Variants in CMYA5 observed in about 807,000 individuals in gnomAD.
The protein encoded by CMYA5 is cardiomyopathy associated 5.
In CMYA5, 246 loss-of-function variants were observed where a neutral mutation model predicts 318.9. The ratio of observed to expected loss-of-function variants is 0.77; its 90% CI spans 0.70 to 0.86. The LOEUF (loss-of-function observed/expected upper bound fraction) is 0.86. Among genes scored for constraint, CMYA5 ranks in the 40% least tolerant of loss-of-function variants. CMYA5 has a pLI of 0.00. For synonymous variants in CMYA5, 1,641 were observed against 1,729.5 expected (o/e 0.95, Z 1.27); for missense variants, 4,589 against 4,678.2 (o/e 0.98, Z 0.56).
chr5:79,756,634 G>A (rs980581127), intron 6 of CMYA5, among the ~76,000 whole-genome samples: 2 of 152,040 alleles, frequency 1.3e-5, no homozygotes, highest in Non-Finnish European at 2.9e-5. Flanking sequence ...TCTGCTTCTC[G>A]TTTTTCACAA....
rs1561207658 is a variant in CMYA5 at position 79,732,006 on chromosome 5, C to T, written c.3241C>T (p.Pro1081Ser). The T allele has an allele frequency of 1.9e-6, 3 of 1,613,892 alleles. No individual in the cohort carries two copies. Among genetic ancestry groups the T allele is most frequent in the Non-Finnish European group, 2.5e-6 (3 of 1,179,832 alleles). The stretch of plus-strand genomic sequence containing the variant: ...GTCTCCGCTTGAAGACTTAAGTCTG[C>T]CGCCTTCAACAGATAAATCAGAGAA... The part of the protein sequence containing the change: ...LMSPLEDLSL[P>S]PSTDKSEKAE... The change falls in exon 2 of 13, where the codon CCG becomes TCG. Residue 1081 changes from proline (P) to serine (S), a missense_variant. Physicochemically the swap from Pro to Ser is moderately conservative, Grantham distance 74. Around this residue, in one of 3 missense-constraint regions of CMYA5, gnomAD observed 2,132 missense variants for 2,131.3 expected, o/e 1.00. Coordinates refer to ENST00000446378, the MANE Select transcript of CMYA5 (RefSeq NM_153610.5).
rs574622707 is a variant in CMYA5, at chr5:79,732,764, A to G, written c.3999A>G (p.Ala1333=). ...VEKQVEHGPP[A]LAFSALSEEI... is the part of the protein sequence containing the mutation. Reference sequence around the variant, plus strand: ...AGCAAGTTGAACATGGTCCACCTGCACTAGCATTTTCAGCTTTGTCAGAAG... The same window carrying G: ...AGCAAGTTGAACATGGTCCACCTGCGCTAGCATTTTCAGCTTTGTCAGAAG... The change falls in exon 2 of 13, where the codon GCA becomes GCG. Residue 1333 remains alanine, a synonymous_variant. Coordinates refer to ENST00000446378, the MANE Select transcript of CMYA5 (RefSeq NM_153610.5). The G allele has an allele frequency of 5.6e-6, 9 of 1,613,802 alleles. No individual in the cohort carries two copies. The Admixed American group carries it at 1.3e-4, about 24-fold the overall frequency.
intron 9 of CMYA5, among the ~76,000 whole-genome samples, chr5:79,764,791 CTTTT>C: frequency 6.6e-6 from 1 of 152,126 alleles, no homozygotes; most frequent in East Asian, 1.9e-4. Context: ...TAAATGTCTT[CTTTT>C]GAGAAGTATC....
chr5:79,744,043 G>T (rs746608651), intron 3 of CMYA5, 121 bp downstream of exon 3: 1 of 535,722 alleles, frequency 1.9e-6, no homozygotes, highest in Non-Finnish European at 3.3e-6. Flanking sequence ...GCCATTGTTG[G>T]TTCGGTTCCA....
Position 79,733,955 on chromosome 5 carries a change from C to G in CMYA5, c.5190C>G (p.Ala1730=). 2 of 1,613,524 alleles carry G rather than the reference C, an allele frequency of 1.2e-6. No individual in the cohort carries two copies. Among genetic ancestry groups the G allele is most frequent in the Non-Finnish European group, 1.7e-6 (2 of 1,179,828 alleles). Residue 1730 remains alanine (A), a synonymous_variant, in exon 2 of 13, where the codon GCC becomes GCG. Transcript: ENST00000446378. ...IISLESKEPP[A]SVAEGGNPEE... ...GCCTAGAGTCGAAAGAACCACCTGC[C>G]TCTGTAGCTGAAGGAGGCAACCCAG...
intron 1 of CMYA5, among the ~76,000 whole-genome samples, chr5:79,696,148 G>C (rs1827062538): frequency 6.6e-6 from 1 of 152,178 alleles, no homozygotes; most frequent in Non-Finnish European, 1.5e-5. Context: ...TCATTTACCA[G>C]GGATTGACAA....
intron 1 of CMYA5, among the ~76,000 whole-genome samples, chr5:79,704,278 G>C (rs910462304): frequency 6.6e-6 from 1 of 152,012 alleles, no homozygotes; most frequent in Admixed American, 6.6e-5. Flanking sequence ...GTAGAAGGGT[G>C]GGGAGGTGAC....
Position 79,757,351 on chromosome 5 carries a change from C to T in CMYA5, c.11111-1402C>T, listed in dbSNP as rs555816915. Among the ~76,000 whole-genome samples, 10 of 152,130 alleles carry T rather than the reference C, an allele frequency of 6.6e-5. No individual in the cohort carries two copies. In the East Asian group the frequency reaches 9.6e-4, roughly 15 times the overall value. ...ATTGCATATACCATTAATGTTTGTA[C>T]GCATAATCATGAACTTTACAAGTTT... is the stretch of plus-strand genomic sequence containing the variant. On this transcript the variant is annotated intron_variant, in intron 6 of 12. Coordinates refer to ENST00000446378, the MANE Select transcript of CMYA5 (RefSeq NM_153610.5).
intron 12 of CMYA5, among the ~76,000 whole-genome samples, chr5:79,794,490 G>C (rs1166791289): frequency 6.6e-6 from 1 of 152,170 alleles, no homozygotes; most frequent in Non-Finnish European, 1.5e-5. Context: ...AATCCAGTTT[G>C]AGGTCTGGCT....
intron 1 of CMYA5, among the ~76,000 whole-genome samples, chr5:79,714,431 C>CTTCTTCTT (rs1554032483): frequency 9.9e-5 from 10 of 100,678 alleles, no homozygotes; most frequent in African/African-American, 4.3e-4. Flanking sequence ...TTTTCTTTTT[C>CTTCTTCTT]TTTTTTTTTT....
In CMYA5 at chr5:79,732,608, A is replaced by G. The variant is rs750192509; in HGVS notation, c.3843A>G (p.Pro1281=). ...AGAATGAGCCTGAAGTAATAAAACCATATTCACCTCTAAAGGAAACATCTT... is the reference window on the plus strand; with the variant it reads ...AGAATGAGCCTGAAGTAATAAAACCGTATTCACCTCTAAAGGAAACATCTT... ...LSKNEPEVIK[P]YSPLKETSLS... The change falls in exon 2 of 13, where the codon CCA becomes CCG. Residue 1281 remains proline (P), a synonymous_variant. Transcript: ENST00000446378. The G allele has an allele frequency of 5.0e-6, 8 of 1,613,298 alleles. No homozygotes were observed. In the East Asian group the frequency reaches 1.8e-4, roughly 36 times the overall value.
At chr5:79,727,939 C>T (rs12654574) in intron 1 of CMYA5, among the ~76,000 whole-genome samples, 33,379 of 152,098 alleles carry the variant, frequency 0.22, 6,529 homozygotes, top group African/African-American at 0.52. Context: ...CATGCCCAGG[C>T]GCCTTTCATC....
At position 79,738,483 on chromosome 5, in the gene CMYA5, A is replaced by G; in HGVS notation, c.9718A>G (p.Lys3240Glu). 6.2e-7 allele frequency: 1 copy of G among 1,613,608 alleles called. No individual in the cohort carries two copies. The highest frequency in any genetic ancestry group is 1.7e-5 in the Admixed American group (1 of 59,974). ...TDDGTGIYFEKYILKDDILHD... is the reference protein window; with the variant it reads ...TDDGTGIYFEEYILKDDILHD... ...TGATGGAACAGGAATATATTTTGAG[A>G]AGTACATACTCAAAGATGACATTCT... Residue 3240 changes from lysine to glutamate, a missense_variant, in exon 2 of 13, where the codon AAG (lysine) becomes GAG (glutamate). Around this residue, in one of 3 missense-constraint regions of CMYA5, gnomAD observed 2,431 missense variants for 2,495.1 expected, o/e 0.97. Coordinates refer to ENST00000446378, the MANE Select transcript of CMYA5 (RefSeq NM_153610.5).
chr5:79,733,491 T>A lies in CMYA5; in HGVS notation c.4726T>A (p.Leu1576Ile), dbSNP rs746422865. 1 of 1,613,942 alleles carries A rather than the reference T, an allele frequency of 6.2e-7. No individual in the cohort carries two copies. Among genetic ancestry groups the A allele is most frequent in the Non-Finnish European group, 8.5e-7 (1 of 1,179,844 alleles). Reference sequence around the variant, plus strand: ...AAGTTCATCTCCTGAGTTGGAAAATTTAGCATCAGGTTTAGCCCCAACATT... The same window carrying A: ...AAGTTCATCTCCTGAGTTGGAAAATATAGCATCAGGTTTAGCCCCAACATT... The part of the protein sequence containing the change: ...TASSSPELEN[L>I]ASGLAPTLLL... Residue 1576 changes from leucine (L) to isoleucine (I), a missense_variant, in exon 2 of 13, where the codon TTA (leucine) becomes ATA (isoleucine). Around this residue, in one of 3 missense-constraint regions of CMYA5, gnomAD observed 2,132 missense variants for 2,131.3 expected, o/e 1.00. Coordinates refer to ENST00000446378, the MANE Select transcript of CMYA5 (RefSeq NM_153610.5).
At chr5:79,713,525 T>C (rs756685136) in intron 1 of CMYA5, among the ~76,000 whole-genome samples, 2 of 152,060 alleles carry the variant, frequency 1.3e-5, no homozygotes, top group Non-Finnish European at 2.9e-5. Flanking sequence ...TAGTGGAGAA[T>C]TTAGTGGTTG....
rs79742348 is a variant in CMYA5, at chr5:79,696,474, C to T, written c.149+6418C>T. Among the ~76,000 whole-genome samples, 647 of 152,274 alleles carry T rather than the reference C, an allele frequency of 4.2e-3. 37 individuals carry two copies. In the East Asian group the frequency reaches 0.11, roughly 26 times the overall value. The stretch of plus-strand genomic sequence containing the variant: ...AGTCCACCAAACTAAATACTCAGAG[C>T]CCTCTCAGGGAGCTGTTAATGTGTT... On this transcript the variant is annotated intron_variant, in intron 1 of 12. Coordinates refer to ENST00000446378, the MANE Select transcript of CMYA5 (RefSeq NM_153610.5).
intron 1 of CMYA5, among the ~76,000 whole-genome samples, chr5:79,702,982 G>A (rs1041734321): frequency 1.1e-4 from 17 of 152,174 alleles, no homozygotes; most frequent in African/African-American, 4.1e-4. Flanking sequence ...CGGATGTGAA[G>A]GTCTTCACTA....
chr5:79,739,908 A>G (rs7705570), intron 2 of CMYA5, among the ~76,000 whole-genome samples: 52,603 of 151,840 alleles, frequency 0.35, 11,481 homozygotes, highest in African/African-American at 0.6. Flanking sequence ...AGTTGAGCCC[A>G]GGAGGTCAAG....
At chr5:79,692,943 A>C (rs1316439713) in intron 1 of CMYA5, among the ~76,000 whole-genome samples, 1 of 152,212 alleles carries the variant, frequency 6.6e-6, no homozygotes, top group Admixed American at 6.5e-5. Flanking sequence ...GGATACAAAA[A>C]TAAGAATCCA....
Sources: allele counts gnomAD v4.1 joint callset (sites outside exome capture counted in the v4.1 genomes callset), GRCh38; gene constraint gnomAD v4.1.1; regional missense constraint gnomAD v4.1.1; transcripts MANE v1.5; gene names NCBI Gene and HGNC (gene_info 2026-07-23, HGNC 2026-07-21).